KCNQ1: variants seen among roughly 807,000 people sequenced by gnomAD.
KCNQ1 encodes the protein potassium voltage-gated channel subfamily Q member 1.
In KCNQ1, 49 loss-of-function variants were observed where a neutral mutation model predicts 72.4. The ratio of observed to expected loss-of-function variants is 0.68; its 90% CI spans 0.54 to 0.86. The LOEUF (loss-of-function observed/expected upper bound fraction) is 0.86, where lower values mean the gene tolerates loss of function less well. KCNQ1 is among the 40% of genes least tolerant of loss of function. KCNQ1 has a pLI of 0.00. For missense variants in KCNQ1, 790 were observed against 945.1 expected, an observed-to-expected ratio of 0.84 and a Z score of 2.15; for synonymous variants, 450 against 412.6, an observed-to-expected ratio of 1.09 and a Z score of -1.10.
rs1850182748 is a variant in KCNQ1, at chr11:2,671,487, AG to A, written c.1514+9409del. 1.0e-5 allele frequency: 4 copies of A among 398,594 alleles called. No homozygotes were observed. The highest frequency in any genetic ancestry group is 1.3e-3 in the Middle Eastern group (2 of 1,588). The allele number at this position is 398,594 out of a possible 1,614,324, so 24.7% of individuals were successfully genotyped here. A position where few individuals can be genotyped will look rare whatever the true frequency, so the allele number is the denominator to read the frequency against. On this transcript the variant is annotated intron_variant, in intron 11 of 15. Transcript: ENST00000155840. This position sits in a 1 kb window ranked among gnomAD's most constrained non-coding sequence, Gnocchi z 4.7. Reference sequence around the variant, plus strand: ...GGGGATATACACAAAGATCTGAGAAAGGGATTATTTTTAGGGCCAATTCAAG... The same window carrying A: ...GGGGATATACACAAAGATCTGAGAAAGGATTATTTTTAGGGCCAATTCAAG...
chr11:2,662,584 T>C (rs929346132), intron 11 of KCNQ1: 6 of 419,530 alleles, frequency 1.4e-5, no homozygotes, highest in Admixed American at 7.8e-5. Flanking sequence ...CTGGGATGCA[T>C]GCCCGTCCTC....
intron 11 of KCNQ1, among the ~76,000 whole-genome samples, chr11:2,733,814 A>ACACACACACT: frequency 5.8e-5 from 5 of 86,598 alleles, no homozygotes; most frequent in East Asian, 3.2e-4. Flanking sequence ...ACACACACAC[A>ACACACACACT]CTCTCTCACT....
In KCNQ1 at chr11:2,481,921, T is replaced by C. The variant is rs1006817973; in HGVS notation, c.386+36437T>C. ...AATAAAGTGCCCAATGCAAGTAATG[T>C]GCTTGAATCATCCCAGAACCACCCA... On this transcript the variant is annotated intron_variant, in intron 1 of 15. Coordinates refer to ENST00000155840, the MANE Select transcript of KCNQ1 (RefSeq NM_000218.3). The surrounding 1 kb of genome is among the most constrained non-coding windows in gnomAD (Gnocchi z 4.6). 6.6e-6 allele frequency among the ~76,000 whole-genome samples: 1 copy of C among 152,204 alleles called. No individual in the cohort carries two copies. Among genetic ancestry groups the C allele is most frequent in the African/African-American group, 2.4e-5 (1 of 41,456 alleles).
At position 2,612,499 on chromosome 11, in the gene KCNQ1, C is replaced by G. The variant is rs190260991; in HGVS notation, c.1393+23645C>G. 94 of 398,036 alleles carry G rather than the reference C, an allele frequency of 2.4e-4. No individual in the cohort carries two copies. Among genetic ancestry groups the G allele is most frequent in the Admixed American group, 6.6e-4 (15 of 22,710 alleles). The allele number at this position is 398,036 out of a possible 1,614,324, so 24.7% of individuals were successfully genotyped here. A position where few individuals can be genotyped will look rare whatever the true frequency, so the allele number is the denominator to read the frequency against. The stretch of plus-strand genomic sequence containing the variant: ...GGATCTGCGTTGAAGTTCATTGATT[C>G]TTTCTTCTGCCAGGTCAAATTTGCT... On this transcript the variant is annotated intron_variant, in intron 10 of 15. Coordinates refer to ENST00000155840, the MANE Select transcript of KCNQ1 (RefSeq NM_000218.3). This position sits in a 1 kb window ranked among gnomAD's most constrained non-coding sequence, Gnocchi z 5.5.
chr11:2,629,838 C>G (rs1056758189), intron 10 of KCNQ1: 23 of 397,442 alleles, frequency 5.8e-5, no homozygotes, highest in Non-Finnish European at 9.7e-5. Context: ...GAGTCTGTAG[C>G]ATTTTCTACA....
At chr11:2,697,343 A>C (rs1850694811) in intron 11 of KCNQ1, 3 of 398,368 alleles carry the variant, frequency 7.5e-6, no homozygotes, top group Non-Finnish European at 1.3e-5. Context: ...GAGCTACACT[A>C]AGTTTTATCA....
intron 1 of KCNQ1, among the ~76,000 whole-genome samples, chr11:2,474,357 G>A (rs377663828): frequency 1.2e-4 from 18 of 152,294 alleles, no homozygotes; most frequent in African/African-American, 3.6e-4. Flanking sequence ...TGAGGCTCAC[G>A]TGGGTCTCTT....
intron 10 of KCNQ1, chr11:2,632,564 G>A (rs1212849646): frequency 1.3e-5 from 5 of 398,056 alleles, no homozygotes; most frequent in Non-Finnish European, 1.8e-5. Context: ...AGATATTTAT[G>A]GGATATACAC....
In KCNQ1 at chr11:2,447,609, G is replaced by A. The variant is rs1429986934; in HGVS notation, c.386+2125G>A. On this transcript the variant is annotated intron_variant, in intron 1 of 15. Coordinates refer to ENST00000155840, the MANE Select transcript of KCNQ1 (RefSeq NM_000218.3). The surrounding 1 kb of genome is among the most constrained non-coding windows in gnomAD (Gnocchi z 7.6). Reference sequence around the variant, plus strand: ...ATAGAACCAGGATGGCAGAGTAGCTGGAGGCCACCTGCAGCCTCACGAAAT... The same window carrying A: ...ATAGAACCAGGATGGCAGAGTAGCTAGAGGCCACCTGCAGCCTCACGAAAT... 2.0e-5 allele frequency among the ~76,000 whole-genome samples: 3 copies of A among 152,176 alleles called. No homozygotes were observed. The highest frequency in any genetic ancestry group is 4.4e-5 in the Non-Finnish European group (3 of 68,024).
Position 2,623,933 on chromosome 11 carries a change from C to A in KCNQ1, c.1393+35079C>A. The A allele has an allele frequency of 1.0e-5, 4 of 398,556 alleles. No homozygotes were observed. The highest frequency in any genetic ancestry group is 1.8e-5 in the Non-Finnish European group (4 of 226,034). 24.7% of individuals were successfully genotyped at this position (398,556 alleles called of 1,614,324 possible). On this transcript the variant is annotated intron_variant, in intron 10 of 15. Coordinates refer to ENST00000155840, the MANE Select transcript of KCNQ1 (RefSeq NM_000218.3). This position sits in a 1 kb window ranked among gnomAD's most constrained non-coding sequence, Gnocchi z 5.2. ...TCCTATGATAATTCCATTTTTAATT[C>A]TTTGAAGAACCACCAAACTCTTCTC...
At chr11:2,539,137 G>A (rs1285273324) in intron 2 of KCNQ1, among the ~76,000 whole-genome samples, 1 of 152,182 alleles carries the variant, frequency 6.6e-6, no homozygotes, top group African/African-American at 2.4e-5. Context: ...GGTCCCTCTG[G>A]GGGGCAAGGT....
In KCNQ1 at chr11:2,776,025, C is replaced by T. The variant is rs745675388; in HGVS notation, c.1656C>T (p.Leu552=). 9.5e-6 allele frequency: 15 copies of T among 1,571,044 alleles called. No homozygotes were observed. In the South Asian group the frequency reaches 1.6e-4, roughly 17 times the overall value. The stretch of plus-strand genomic sequence containing the variant: ...AGTACTCGCAGGGCCACCTCAACCT[C>T]ATGGTGCGCATCAAGGAGCTGCAGA... ...IEQYSQGHLN[L]MVRIKELQRR... The change falls in exon 13 of 16, where the codon CTC becomes CTT. Residue 552 remains leucine (L), a synonymous_variant. Coordinates refer to ENST00000155840, the MANE Select transcript of KCNQ1 (RefSeq NM_000218.3).
intron 1 of KCNQ1, among the ~76,000 whole-genome samples, chr11:2,514,833 G>C (rs1847263292): frequency 6.6e-6 from 1 of 152,142 alleles, no homozygotes; most frequent in Admixed American, 6.5e-5. Flanking sequence ...CTCGAAAAGA[G>C]ACTTGGGCTA....
intron 10 of KCNQ1, chr11:2,629,038 T>G: frequency 2.5e-6 from 1 of 398,364 alleles, no homozygotes; most frequent in South Asian, 1.3e-4. Context: ...TCTTTCACTT[T>G]GTTCTTATTG....
chr11:2,522,724 CCCCA>C (rs1308006400), intron 1 of KCNQ1, among the ~76,000 whole-genome samples: 1 of 152,256 alleles, frequency 6.6e-6, no homozygotes, highest in African/African-American at 2.4e-5. Flanking sequence ...GGGCACCTGT[CCCCA>C]CCATCTGCCT....
chr11:2,687,298 C>G lies in KCNQ1; in HGVS notation c.1514+25217C>G. 1 of 398,670 alleles carries G rather than the reference C, an allele frequency of 2.5e-6. No homozygotes were observed. The highest frequency in any genetic ancestry group is 4.4e-6 in the Non-Finnish European group (1 of 226,094). 24.7% of individuals were successfully genotyped at this position (398,670 alleles called of 1,614,324 possible). A position where few individuals can be genotyped will look rare whatever the true frequency, so the allele number is the denominator to read the frequency against. ...CCTCCCACCTTGCAGCTTTGAGATC[C>G]CAGGCCTCTCAGGGCTCTGGCTGAG... is the stretch of plus-strand genomic sequence containing the variant. On this transcript the variant is annotated intron_variant, in intron 11 of 15. Transcript: ENST00000155840. The surrounding 1 kb of genome is among the most constrained non-coding windows in gnomAD (Gnocchi z 5.0).
chr11:2,504,331 G>T (rs998166101), intron 1 of KCNQ1, among the ~76,000 whole-genome samples: 3 of 152,022 alleles, frequency 2.0e-5, no homozygotes, highest in South Asian at 4.2e-4. Flanking sequence ...GGCTGGGAAG[G>T]GTAGTGGGGG....
At chr11:2,812,140 A>G (rs1847500180) in intron 15 of KCNQ1, among the ~76,000 whole-genome samples, 1 of 152,104 alleles carries the variant, frequency 6.6e-6, no homozygotes, top group African/African-American at 2.4e-5. Context: ...AGCTTTGGCC[A>G]TGCACTCCCA....
chr11:2,694,587 C>A (rs1248273843), intron 11 of KCNQ1: 6 of 398,468 alleles, frequency 1.5e-5, no homozygotes, highest in African/African-American at 2.1e-5. Flanking sequence ...GGCACACTTT[C>A]CTGGCCTGGC....
Sources: gnomAD v4.1 joint callset for allele counts (sites outside exome capture counted in the v4.1 genomes callset) on GRCh38, gnomAD v4.1.1 for gene constraint, Gnocchi (gnomAD v3.1) non-coding constraint, MANE v1.5 for transcripts, NCBI Gene and HGNC (gene_info 2026-07-23, HGNC 2026-07-21) for gene names.